The following STXBP3 variants were observed in gnomAD, a reference collection of about 807,000 sequenced individuals.
STXBP3 encodes syntaxin binding protein 3, also known as syntaxin-binding protein 3.
A neutral mutation model predicts 85.7 loss-of-function variants in STXBP3; 41 were observed. The ratio of observed to expected loss-of-function variants is 0.48; its 90% confidence interval spans 0.37 to 0.62. The LOEUF (loss-of-function observed/expected upper bound fraction) is 0.62. Ranked by LOEUF, STXBP3 falls within the 20% of genes least tolerant of loss-of-function variation. The probability of loss-of-function intolerance (pLI) is 0.00; values close to 1 mark genes in which losing one functional copy is unlikely to be tolerated. For synonymous variants in STXBP3, 229 were observed against 231.7 expected, an observed-to-expected ratio of 0.99 and a Z score of 0.10; for missense variants, 563 against 703.1, an observed-to-expected ratio of 0.80 and a Z score of 2.25.
At chr1:108,770,945 T>G (rs1248031174) in intron 6 of STXBP3, among the ~76,000 whole-genome samples, 1 of 152,128 alleles carries the variant, frequency 6.6e-6, no homozygotes, top group East Asian at 1.9e-4. Context: ...TCTCTTATTT[T>G]AAGGACATGA....
At chr1:108,780,253 T>G (rs1477944929) in intron 9 of STXBP3, 2 of 152,164 alleles carry the variant, frequency 1.3e-5, no homozygotes, top group African/African-American at 4.8e-5. Context: ...TATTTTTATT[T>G]GCATTCTGGT....
intron 7 of STXBP3, among the ~76,000 whole-genome samples, chr1:108,775,902 C>T (rs895665224): frequency 1.3e-5 from 2 of 151,232 alleles, no homozygotes; most frequent in African/African-American, 4.9e-5. Context: ...GTGTCAATGT[C>T]AATGTAGATA....
In STXBP3 at chr1:108,772,523, TATG is replaced by T. The variant is rs201034953; in HGVS notation, c.439-139_439-137del. ...TATCTATATATAATATATAAATACA[TATG>T]ATATATATCTATATAATATATAAAT... On this transcript the variant is annotated intron_variant, in intron 6 of 18. Coordinates refer to ENST00000370008, the MANE Select transcript of STXBP3 (RefSeq NM_007269.4). 3.0e-3 allele frequency: 679 copies of T among 225,180 alleles called. 12 individuals are homozygous for T. The East Asian group carries it at 0.033, about 11-fold the overall frequency. 13.9% of individuals were successfully genotyped at this position (225,180 alleles called of 1,614,324 possible). A position where few individuals can be genotyped will look rare whatever the true frequency, so the allele number is the denominator to read the frequency against.
At chr1:108,751,354 CTG>C (rs1442993106) in intron 1 of STXBP3, among the ~76,000 whole-genome samples, 2 of 152,092 alleles carry the variant, frequency 1.3e-5, no homozygotes, top group Non-Finnish European at 2.9e-5. Context: ...ACCACAGTAA[CTG>C]TTATTATTTA....
At chr1:108,760,405 G>A (rs948353848) in intron 6 of STXBP3, among the ~76,000 whole-genome samples, 1 of 151,986 alleles carries the variant, frequency 6.6e-6, no homozygotes, top group East Asian at 1.9e-4. Flanking sequence ...TTTAGCTTGT[G>A]TAACCTTTTG....
At chr1:108,797,072 G>T (rs777221082) in intron 15 of STXBP3, among the ~76,000 whole-genome samples, 50 of 151,870 alleles carry the variant, frequency 3.3e-4, no homozygotes, top group Non-Finnish European at 6.5e-4. Flanking sequence ...ATTTAGGCTC[G>T]CTGGGTATGG....
At chr1:108,804,025 TTC>T (rs1273340596) in intron 17 of STXBP3, among the ~76,000 whole-genome samples, 74 of 152,350 alleles carry the variant, frequency 4.9e-4, no homozygotes, top group African/African-American at 1.7e-3. Context: ...GTTCTGTATA[TTC>T]TCTGTGCTAT....
At chr1:108,789,509 A>G (rs1239961145) in intron 11 of STXBP3, among the ~76,000 whole-genome samples, 2 of 126,152 alleles carry the variant, frequency 1.6e-5, no homozygotes, top group Non-Finnish European at 1.7e-5. Context: ...GTTCTATTGT[A>G]TATATTTTAT....
intron 16 of STXBP3, 42 bp from the exon 17 acceptor site, chr1:108,800,178 A>AT: frequency 7.0e-7 from 1 of 1,438,198 alleles, no homozygotes; most frequent in Non-Finnish European, 9.8e-7. Context: ...AAGTCCTGCA[A>AT]TTTACAATTT....
At chr1:108,756,457 C>A (rs1201911246) in intron 3 of STXBP3, among the ~76,000 whole-genome samples, 1 of 151,934 alleles carries the variant, frequency 6.6e-6, no homozygotes, top group East Asian at 1.9e-4. Flanking sequence ...TGAATAATTT[C>A]TTACATTATT....
At chr1:108,769,557 G>A (rs1767020) in intron 6 of STXBP3, among the ~76,000 whole-genome samples, 4,802 of 152,268 alleles carry the variant, frequency 0.032, 238 homozygotes, top group African/African-American at 0.11. Flanking sequence ...AGCATGAAGA[G>A]TAGATGGAAG....
intron 8 of STXBP3, among the ~76,000 whole-genome samples, chr1:108,778,260 C>T (rs1418038635): frequency 6.6e-6 from 1 of 152,034 alleles, no homozygotes; most frequent in Non-Finnish European, 1.5e-5. Context: ...TCTGTTATTG[C>T]TTTGAATACT....
At chr1:108,791,924 T>C (rs12139371) in intron 11 of STXBP3, among the ~76,000 whole-genome samples, 57,706 of 152,062 alleles carry the variant, frequency 0.38, 11,375 homozygotes, top group Middle Eastern at 0.48. Context: ...TCATTTAGCA[T>C]AATGCATTTG....
intron 11 of STXBP3, among the ~76,000 whole-genome samples, chr1:108,787,188 G>A (rs1475275768): frequency 6.6e-6 from 1 of 151,990 alleles, no homozygotes; most frequent in Admixed American, 6.6e-5. Flanking sequence ...TGTTGGCCAG[G>A]CTAGTCTCTG....
At chr1:108,771,368 CTA>C (rs1188928924) in intron 6 of STXBP3, among the ~76,000 whole-genome samples, 1 of 97,756 alleles carries the variant, frequency 1.0e-5, no homozygotes, top group Admixed American at 1.3e-4. Flanking sequence ...TGATATATAT[CTA>C]TATATATATA....
intron 1 of STXBP3, among the ~76,000 whole-genome samples, chr1:108,749,814 C>G (rs1661864541): frequency 6.6e-6 from 1 of 152,088 alleles, no homozygotes; most frequent in African/African-American, 2.4e-5. Context: ...GATTCCAAGA[C>G]AGTTCTATCA....
In STXBP3 at chr1:108,759,986, T is replaced by A. The variant is rs1309276221; in HGVS notation, c.339T>A (p.Phe113Leu). 6.4e-7 allele frequency: 1 copy of A among 1,555,436 alleles called. No individual in the cohort carries two copies. Among genetic ancestry groups the A allele is most frequent in the Non-Finnish European group, 8.7e-7 (1 of 1,153,876 alleles). The change falls in exon 6 of 19, where the codon TTT (phenylalanine) becomes TTA (leucine). Residue 113 changes from phenylalanine (F) to leucine (L), a missense_variant and splice_region_variant. Physicochemically the swap from Phe to Leu is conservative, Grantham distance 22. This residue lies in a region of STXBP3 where 494 missense variants were observed against 592.8 expected (regional missense o/e 0.83). Transcript: ENST00000370008. The stretch of plus-strand genomic sequence containing the variant: ...TGCTTTGTTTTTTTTTCCCCTCAGT[T>A]TGCCCTGATAATCTCTTTAACAAAA... ...YKAAYIYFTD[F>L]CPDNLFNKIK...
intron 11 of STXBP3, among the ~76,000 whole-genome samples, chr1:108,789,991 C>CAA (rs35345273): frequency 0.011 from 1,383 of 120,718 alleles, 35 homozygotes; most frequent in African/African-American, 0.034. Flanking sequence ...GACTCTGTCT[C>CAA]AAAAAAAAAA....
intron 6 of STXBP3, among the ~76,000 whole-genome samples, 198 bp from the exon 7 acceptor site, chr1:108,772,463 ATATC>A (rs1042092016): frequency 1.1e-4 from 15 of 141,850 alleles, no homozygotes; most frequent in African/African-American, 3.8e-4. Context: ...ATAAATACAT[ATATC>A]TATCTGTATA....
Sources: gnomAD v4.1 joint callset for allele counts (sites outside exome capture counted in the v4.1 genomes callset) on GRCh38, gnomAD v4.1.1 for gene constraint, gnomAD v4.1.1 regional missense constraint, MANE v1.5 for transcripts, NCBI Gene and HGNC (gene_info 2026-07-23, HGNC 2026-07-21) for gene names.